Variants in MAEA observed in about 807,000 individuals in gnomAD.
The protein encoded by MAEA is macrophage erythroblast attacher, E3 ubiquitin ligase.
Under a neutral mutation model 46.2 loss-of-function variants are expected in MAEA, and 22 were observed. The ratio of observed to expected loss-of-function variants is 0.48; its 90% CI spans 0.34 to 0.68. MAEA has a LOEUF of 0.68. MAEA is among the 30% of genes least tolerant of loss of function. MAEA has a pLI of 0.01. For missense variants in MAEA, 393 were observed against 558.1 expected, an observed-to-expected ratio of 0.70 and a Z score of 2.98; for synonymous variants, 246 against 222.6, an observed-to-expected ratio of 1.11 and a Z score of -0.94.
intron 3 of MAEA, among the ~76,000 whole-genome samples, chr4:1,316,900 C>A (rs1189572964): frequency 1.3e-5 from 2 of 151,844 alleles, no homozygotes; most frequent in Non-Finnish European, 2.9e-5. Flanking sequence ...AGCTCCCCAG[C>A]CTTGCGGCAC....
chr4:1,337,026 G>C, intron 7 of MAEA, 32 bp downstream of exon 7: 1 of 1,608,968 alleles, frequency 6.2e-7, no homozygotes, highest in East Asian at 2.2e-5. Flanking sequence ...GTGCGGTTTG[G>C]CCTGGGGTTG....
intron 1 of MAEA, among the ~76,000 whole-genome samples, chr4:1,303,448 A>G (rs1177090894): frequency 6.6e-6 from 1 of 151,688 alleles, no homozygotes; most frequent in Non-Finnish European, 1.5e-5. Context: ...CCAAAGGTCC[A>G]TCAGTTGTGA....
intron 3 of MAEA, among the ~76,000 whole-genome samples, chr4:1,320,462 G>A (rs186351928): frequency 2.1e-4 from 31 of 147,438 alleles, no homozygotes; most frequent in Admixed American, 1.4e-3. Flanking sequence ...GCAAGAAAAC[G>A]CTATGAAGGG....
chr4:1,339,322 A>G lies in MAEA; in HGVS notation c.*153A>G. ...ACGATAAATACTCTTAGGAAGAGAGAAAATAAGGTTTCATAAGTTTGTACT... is the reference window on the plus strand; with the variant it reads ...ACGATAAATACTCTTAGGAAGAGAGGAAATAAGGTTTCATAAGTTTGTACT... On this transcript the variant is annotated 3_prime_UTR_variant, in exon 9 of 9. Coordinates refer to ENST00000303400, the MANE Select transcript of MAEA (RefSeq NM_001017405.3). 1.6e-6 allele frequency: 1 copy of G among 609,568 alleles called. No homozygotes were observed. The highest frequency in any genetic ancestry group is 1.9e-5 in the South Asian group (1 of 51,368). The allele number at this position is 609,568 out of a possible 1,614,324, so 37.8% of individuals were successfully genotyped here. A position where few individuals can be genotyped will look rare whatever the true frequency, so the allele number is the denominator to read the frequency against.
In MAEA at chr4:1,294,923, G is replaced by GAA. The variant is rs552332558; in HGVS notation, c.69+4942_69+4943dup. On this transcript the variant is annotated intron_variant, in intron 1 of 8. Transcript: ENST00000303400. Reference sequence around the variant, plus strand: ...GGGGTGAGGCTCTGTGGACCGTGTTGAAGTCCTGGCCGGCTCTCACCCCAG... The same window carrying GAA: ...GGGGTGAGGCTCTGTGGACCGTGTTGAAAAGTCCTGGCCGGCTCTCACCCCAG... Among the ~76,000 whole-genome samples, 207 of 152,212 alleles carry GAA rather than the reference G, an allele frequency of 1.4e-3. 1 individual carries two copies. The Middle Eastern group carries it at 0.014, about 10-fold the overall frequency.
At chr4:1,326,340 G>T (rs1738809523) in intron 4 of MAEA, among the ~76,000 whole-genome samples, 1 of 152,234 alleles carries the variant, frequency 6.6e-6, no homozygotes, top group Non-Finnish European at 1.5e-5. Context: ...TCGCTCCGTG[G>T]TGCCCACGCC....
At chr4:1,304,330 C>G (rs1333523671) in intron 1 of MAEA, among the ~76,000 whole-genome samples, 2 of 152,050 alleles carry the variant, frequency 1.3e-5, no homozygotes, top group Non-Finnish European at 2.9e-5. Context: ...ACGGGGGTGT[C>G]TCTATGTTGC....
Position 1,323,366 on chromosome 4 carries a change from T to C in MAEA, c.579+863T>C, listed in dbSNP as rs370745066. On this transcript the variant is annotated intron_variant, in intron 4 of 8. Transcript: ENST00000303400. Reference sequence around the variant, plus strand: ...GGGCTTGCAGAAATGTTTTAACTTATGTTAACACTTCTGCCTCCATTAGCA... The same window carrying C: ...GGGCTTGCAGAAATGTTTTAACTTACGTTAACACTTCTGCCTCCATTAGCA... The C allele has an allele frequency of 2.4e-5, 15 of 637,388 alleles. No homozygotes were observed. The African/African-American group carries it at 2.5e-4, about 11-fold the overall frequency. 39.5% of individuals were successfully genotyped at this position (637,388 alleles called of 1,614,324 possible). A position where few individuals can be genotyped will look rare whatever the true frequency, so the allele number is the denominator to read the frequency against.
intron 6 of MAEA, chr4:1,335,434 C>T: frequency 1.0e-6 from 1 of 985,448 alleles, no homozygotes; most frequent in Non-Finnish European, 1.2e-6. Flanking sequence ...CAGCACTGGC[C>T]CCACAGTGTG....
At chr4:1,317,668 G>A (rs919336626) in intron 3 of MAEA, among the ~76,000 whole-genome samples, 1 of 152,160 alleles carries the variant, frequency 6.6e-6, no homozygotes, top group Non-Finnish European at 1.5e-5. Flanking sequence ...GACCTGCACA[G>A]CACTGTTGCT....
chr4:1,298,671 C>T (rs1296103670), intron 1 of MAEA, among the ~76,000 whole-genome samples: 1 of 152,148 alleles, frequency 6.6e-6, no homozygotes, highest in Non-Finnish European at 1.5e-5. Flanking sequence ...GCCATCCTCG[C>T]GTTTCCCCCC....
In MAEA at chr4:1,311,850, T is replaced by G. The variant is rs1736543686; in HGVS notation, c.70-129T>G. 3 of 786,018 alleles carry G rather than the reference T, an allele frequency of 3.8e-6. No individual in the cohort carries two copies. The highest frequency in any genetic ancestry group is 3.5e-5 in the African/African-American group (2 of 57,132). 48.7% of individuals were successfully genotyped at this position (786,018 alleles called of 1,614,324 possible). A position where few individuals can be genotyped will look rare whatever the true frequency, so the allele number is the denominator to read the frequency against. On this transcript the variant is annotated intron_variant, in intron 1 of 8. Transcript: ENST00000303400. The surrounding 1 kb of genome is among the most constrained non-coding windows in gnomAD (Gnocchi z 4.4). Reference sequence around the variant, plus strand: ...GGTTGAGGTTTAGAGTAGATACTTTTGAGACCATGAACCTTCTGAGACTTC... The same window carrying G: ...GGTTGAGGTTTAGAGTAGATACTTTGGAGACCATGAACCTTCTGAGACTTC...
At position 1,322,404 on chromosome 4, in the gene MAEA, C is replaced by T. The variant is rs1442358945; in HGVS notation, c.480C>T (p.Phe160=). 12 of 1,614,050 alleles carry T rather than the reference C, an allele frequency of 7.4e-6. No homozygotes were observed. Among genetic ancestry groups the T allele is most frequent in the Admixed American group, 1.7e-5 (1 of 60,022 alleles). ...GIEDLVNIEM[F]LTAKEVEESL... ...AGGACCTAGTGAATATTGAGATGTT[C>T]CTGACGGCCAAAGAGGTGGAGGAGT... Residue 160 remains phenylalanine, a synonymous_variant, in exon 4 of 9, where the codon TTC becomes TTT. Transcript: ENST00000303400.
chr4:1,329,804 A>G (rs763716813), intron 5 of MAEA: 265 of 985,344 alleles, frequency 2.7e-4, no homozygotes, highest in Non-Finnish European at 3.1e-4. Context: ...GAGGCTGGAC[A>G]AGAGGGAAGG....
chr4:1,321,760 C>G (rs2108955883), intron 3 of MAEA, among the ~76,000 whole-genome samples: 1 of 152,294 alleles, frequency 6.6e-6, no homozygotes, highest in South Asian at 2.1e-4. Context: ...AGCTGCTGTC[C>G]TGCCCCTGCC....
chr4:1,306,602 C>G (rs539850418), intron 1 of MAEA, among the ~76,000 whole-genome samples: 10 of 152,134 alleles, frequency 6.6e-5, no homozygotes, highest in African/African-American at 2.4e-4. Context: ...GATGGAAGCC[C>G]TTTGTCAGCT....
chr4:1,312,885 A>G (rs867026688), intron 2 of MAEA, among the ~76,000 whole-genome samples: 3 of 152,342 alleles, frequency 2.0e-5, no homozygotes, highest in Admixed American at 1.3e-4. Flanking sequence ...AAAATACCCA[A>G]TAAACCATGA....
intron 1 of MAEA, chr4:1,309,950 C>T (rs564156739): frequency 7.5e-5 from 95 of 1,262,654 alleles, no homozygotes; most frequent in Admixed American, 1.5e-4. Flanking sequence ...AGCTAAGGGA[C>T]GTCCAGAGAG....
intron 1 of MAEA, among the ~76,000 whole-genome samples, chr4:1,292,547 G>C (rs1467028008): frequency 6.6e-6 from 1 of 152,170 alleles, no homozygotes; most frequent in African/African-American, 2.4e-5. Context: ...GTTTGGGCTG[G>C]AGGAGCCTTT....
Sources: allele counts gnomAD v4.1 joint callset (sites outside exome capture counted in the v4.1 genomes callset), GRCh38; gene constraint gnomAD v4.1.1; non-coding constraint Gnocchi (gnomAD v3.1); transcripts MANE v1.5; gene names NCBI Gene and HGNC (gene_info 2026-07-23, HGNC 2026-07-21).